Variants in DLGAP4 observed in about 807,000 individuals in gnomAD.
DLGAP4 encodes disks large-associated protein 4.
In DLGAP4, 18 loss-of-function variants were observed where a neutral mutation model predicts 86.9. That is an observed-to-expected ratio of 0.21 (90% confidence interval 0.14 to 0.31). The LOEUF (loss-of-function observed/expected upper bound fraction) is 0.31, where lower values mean the gene tolerates loss of function less well. Among genes scored for constraint, DLGAP4 ranks in the 10% least tolerant of loss-of-function variants. The pLI is 1.00. For missense variants in DLGAP4, 1,085 were observed against 1,362.6 expected (o/e 0.80, Z 3.21); for synonymous variants, 548 against 574.3 (o/e 0.95, Z 0.65).
intron 7 of DLGAP4, among the ~76,000 whole-genome samples, chr20:36,486,537 A>C (rs544802203): frequency 6.6e-6 from 1 of 151,660 alleles, no homozygotes; most frequent in East Asian, 1.9e-4. Context: ...GCTGGAATGG[A>C]ATTAGGGAGG....
At chr20:36,369,574 CT>C (rs2030841854) in intron 2 of DLGAP4, among the ~76,000 whole-genome samples, 1 of 152,098 alleles carries the variant, frequency 6.6e-6, no homozygotes, top group African/African-American at 2.4e-5. Context: ...GAGCCAGACT[CT>C]GTCTCAAAAA....
At chr20:36,486,873 T>A (rs2035441718) in intron 7 of DLGAP4, among the ~76,000 whole-genome samples, 1 of 149,904 alleles carries the variant, frequency 6.7e-6, no homozygotes, top group Admixed American at 6.7e-5. Flanking sequence ...CAGCCTCCCA[T>A]AGTGCTGAGA....
At chr20:36,358,803 G>A (rs182190611) in intron 1 of DLGAP4, among the ~76,000 whole-genome samples, 208 of 152,098 alleles carry the variant, frequency 1.4e-3, no homozygotes, top group African/African-American at 4.6e-3. Flanking sequence ...GTGAGACTCC[G>A]TCTCAAAAAA....
At chr20:36,447,901 T>TC (rs1176711641) in intron 7 of DLGAP4, among the ~76,000 whole-genome samples, 8 of 52,326 alleles carry the variant, frequency 1.5e-4, no homozygotes, top group African/African-American at 4.3e-4. Context: ...ATCAGGGGGG[T>TC]GGGGGGGGGG....
chr20:36,338,284 G>A (rs993451594), intron 1 of DLGAP4, among the ~76,000 whole-genome samples: 2 of 152,186 alleles, frequency 1.3e-5, no homozygotes, highest in African/African-American at 4.8e-5. Context: ...ACACCATGCC[G>A]GGCCCATTGG....
At position 36,431,849 on chromosome 20, in the gene DLGAP4, C is replaced by A. The variant is rs1161100365; in HGVS notation, c.132C>A (p.Ala44=). Residue 44 remains alanine (A), a synonymous_variant, in exon 3 of 13, where the codon GCC becomes GCA. Transcript: ENST00000339266. This position sits in a 1 kb window ranked among gnomAD's most constrained non-coding sequence, Gnocchi z 5.1. ...LSPTEAFARE[A]RFPGQNTLPG... is the part of the protein sequence containing the mutation. ...CCACGGAGGCCTTCGCCCGCGAGGC[C>A]CGCTTCCCCGGGCAGAACACCCTGC... is the stretch of plus-strand genomic sequence containing the variant. 1.2e-6 allele frequency: 2 copies of A among 1,614,000 alleles called. No homozygotes were observed. Among genetic ancestry groups the A allele is most frequent in the Admixed American group, 1.7e-5 (1 of 60,010 alleles).
chr20:36,351,387 C>T (rs1371544224), intron 1 of DLGAP4, among the ~76,000 whole-genome samples: 2 of 152,042 alleles, frequency 1.3e-5, no homozygotes, highest in African/African-American at 4.8e-5. Flanking sequence ...CGGCGGCATT[C>T]GATTCTCATA....
chr20:36,446,681 G>A lies in DLGAP4; in HGVS notation c.1408-16G>A. 1.3e-6 allele frequency: 2 copies of A among 1,586,834 alleles called. No homozygotes were observed. The highest frequency in any genetic ancestry group is 1.7e-6 in the Non-Finnish European group (2 of 1,160,788). On this transcript the variant is annotated splice_polypyrimidine_tract_variant and intron_variant, in intron 6 of 12. Transcript: ENST00000339266. ...CAAGATAGCCAGCTCCCTCATGCCTGCCTTTGCCTGGACAGGTACGGGAGG... is the reference window on the plus strand; with the variant it reads ...CAAGATAGCCAGCTCCCTCATGCCTACCTTTGCCTGGACAGGTACGGGAGG...
intron 7 of DLGAP4, among the ~76,000 whole-genome samples, chr20:36,460,904 G>A (rs1272095562): frequency 6.6e-6 from 1 of 152,238 alleles, no homozygotes; most frequent in Admixed American, 6.5e-5. Context: ...AGGCGGAGCC[G>A]GGATTGGAAC....
At chr20:36,456,146 C>T (rs1262292148) in intron 7 of DLGAP4, among the ~76,000 whole-genome samples, 2 of 152,178 alleles carry the variant, frequency 1.3e-5, no homozygotes, top group Admixed American at 6.5e-5. Flanking sequence ...CCAACATGCA[C>T]GTGCGCACAC....
At chr20:36,462,458 C>A (rs1050566676) in intron 7 of DLGAP4, 9 of 1,540,564 alleles carry the variant, frequency 5.8e-6, no homozygotes, top group Non-Finnish European at 7.8e-6. Flanking sequence ...TTGGCCCCCC[C>A]TTGCTTTTTC....
intron 10 of DLGAP4, among the ~76,000 whole-genome samples, chr20:36,510,425 G>A (rs2036626740): frequency 6.6e-6 from 1 of 151,972 alleles, no homozygotes; most frequent in Non-Finnish European, 1.5e-5. Flanking sequence ...AACCACACCT[G>A]GCTAATTTTT....
At chr20:36,453,634 A>G (rs1468444073) in intron 7 of DLGAP4, among the ~76,000 whole-genome samples, 1 of 151,694 alleles carries the variant, frequency 6.6e-6, no homozygotes, top group Non-Finnish European at 1.5e-5. Context: ...CTCTGTCTTT[A>G]AAAAAAAGAA....
intron 1 of DLGAP4, among the ~76,000 whole-genome samples, chr20:36,313,555 G>C (rs941912750): frequency 7.3e-5 from 11 of 151,372 alleles, no homozygotes; most frequent in South Asian, 4.2e-4. Context: ...GGGTGGGGGG[G>C]GGTCACCTGC....
chr20:36,521,075 C>G (rs2037349807), intron 10 of DLGAP4, among the ~76,000 whole-genome samples: 1 of 152,198 alleles, frequency 6.6e-6, no homozygotes, highest in Non-Finnish European at 1.5e-5. Flanking sequence ...TCACCTTGGC[C>G]TCCCAAAGTG....
intron 7 of DLGAP4, among the ~76,000 whole-genome samples, chr20:36,494,184 C>T (rs763434891): frequency 6.6e-6 from 1 of 152,098 alleles, no homozygotes; most frequent in Non-Finnish European, 1.5e-5. Context: ...TTCAAACAGA[C>T]GAGTAGGAAG....
chr20:36,432,845 T>C lies in DLGAP4; in HGVS notation c.999+129T>C. 2 of 1,243,994 alleles carry C rather than the reference T, an allele frequency of 1.6e-6. No individual in the cohort carries two copies. The highest frequency in any genetic ancestry group is 2.2e-6 in the Non-Finnish European group (2 of 895,956). 77.1% of individuals were successfully genotyped at this position (1,243,994 alleles called of 1,614,324 possible). A position where few individuals can be genotyped will look rare whatever the true frequency, so the allele number is the denominator to read the frequency against. ...GGGCCTCTGTGGCTCAGCTATAAAA[T>C]GGGTGGCCTAGTGGTACCTGCTAAT... On this transcript the variant is annotated intron_variant, in intron 3 of 12. Transcript: ENST00000339266. This position sits in a 1 kb window ranked among gnomAD's most constrained non-coding sequence, Gnocchi z 6.5.
chr20:36,497,033 C>A lies in DLGAP4; in HGVS notation c.1977C>A (p.Ala659=). Residue 659 remains alanine (A), a synonymous_variant, in exon 8 of 13, where the codon GCC becomes GCA. Transcript: ENST00000339266. ...LTSSESHPEA[A]PKRKLSSIGI... ...GCTCTGAGTCCCACCCCGAGGCCGC[C>A]CCCAAAAGGAAACTGTCATCGATAG... 6.2e-7 allele frequency: 1 copy of A among 1,608,960 alleles called. No homozygotes were observed. Among genetic ancestry groups the A allele is most frequent in the Non-Finnish European group, 8.5e-7 (1 of 1,176,558 alleles).
chr20:36,493,214 C>T (rs551116553), intron 7 of DLGAP4: 3 of 152,248 alleles, frequency 2.0e-5, no homozygotes, highest in African/African-American at 7.2e-5. Flanking sequence ...GACCTGAACT[C>T]AGGCTAGTCT....
Sources: gnomAD v4.1 joint callset for allele counts (sites outside exome capture counted in the v4.1 genomes callset) on GRCh38, gnomAD v4.1.1 for gene constraint, Gnocchi (gnomAD v3.1) non-coding constraint, MANE v1.5 for transcripts, NCBI Gene and HGNC (gene_info 2026-07-23, HGNC 2026-07-21) for gene names.